The following TMPRSS7 variants were observed in gnomAD, a reference collection of about 807,000 sequenced individuals.
TMPRSS7 encodes transmembrane protease serine 7.
Under a neutral mutation model 95.6 loss-of-function variants are expected in TMPRSS7, and 81 were observed. The observed-to-expected ratio is 0.85, with a 90% CI of 0.71 to 1.02. The LOEUF (loss-of-function observed/expected upper bound fraction) is 1.02. TMPRSS7 is among the 50% of genes least tolerant of loss of function. TMPRSS7 has a pLI of 0.00. For synonymous variants in TMPRSS7, 364 were observed against 337.8 expected (o/e 1.08, Z -0.85); for missense variants, 945 against 955.2 (o/e 0.99, Z 0.14).
intron 9 of TMPRSS7, among the ~76,000 whole-genome samples, chr3:112,051,520 TATCTATC>T (rs2073348909): frequency 1.3e-3 from 2 of 1,596 alleles, no homozygotes; most frequent in East Asian, 0.011. Context: ...ACGAAATATC[TATCTATC>T]TATCTATCTA....
chr3:112,049,761 A>T (rs1212976911), intron 7 of TMPRSS7, 83 bp from the exon 8 acceptor site: 4 of 1,194,858 alleles, frequency 3.3e-6, no homozygotes, highest in Non-Finnish European at 2.3e-6. Context: ...TGGCCCAGGA[A>T]ATGTGTGGAA....
At chr3:112,068,915 A>G (rs1249261665) in intron 13 of TMPRSS7, among the ~76,000 whole-genome samples, 3 of 152,162 alleles carry the variant, frequency 2.0e-5, no homozygotes, top group Admixed American at 1.3e-4. Flanking sequence ...TTCAAAGGGA[A>G]TGCTTCCAAT....
chr3:112,076,762 C>T (rs577002787), intron 15 of TMPRSS7, 114 bp from the exon 16 acceptor site: 1 of 1,251,948 alleles, frequency 8.0e-7, no homozygotes, highest in South Asian at 1.4e-5. Context: ...ACTATAATAA[C>T]ACCCTGGAAG....
intron 13 of TMPRSS7, among the ~76,000 whole-genome samples, chr3:112,071,757 A>C (rs2073649781): frequency 6.6e-6 from 1 of 152,118 alleles, no homozygotes; most frequent in African/African-American, 2.4e-5. Flanking sequence ...AAGCTTGTGC[A>C]TGTGTCACGT....
At chr3:112,047,405 C>A (rs552747631) in intron 6 of TMPRSS7, 1 of 563,602 alleles carries the variant, frequency 1.8e-6, no homozygotes. Flanking sequence ...ATTGCTCTTG[C>A]AGAAGTCCTG....
chr3:112,061,085 A>G (rs1397133647), intron 10 of TMPRSS7, among the ~76,000 whole-genome samples: 15 of 152,122 alleles, frequency 9.9e-5, no homozygotes, highest in Admixed American at 9.2e-4. Flanking sequence ...CTGTGGGAAG[A>G]GCCTCATCTA....
At chr3:112,035,396 A>G (rs755037677) in intron 1 of TMPRSS7, among the ~76,000 whole-genome samples, 2 of 152,222 alleles carry the variant, frequency 1.3e-5, no homozygotes, top group African/African-American at 4.8e-5. Flanking sequence ...TTCACCAGAA[A>G]GGATACAAGC....
rs543041559 is a variant in TMPRSS7 at position 112,068,745 on chromosome 3, A to G, written c.1666+2243A>G. 3.3e-5 allele frequency among the ~76,000 whole-genome samples: 5 copies of G among 152,300 alleles called. No individual in the cohort carries two copies. In the South Asian group the frequency reaches 8.3e-4, roughly 25 times the overall value. On this transcript the variant is annotated intron_variant, in intron 13 of 17. Coordinates refer to ENST00000452346, the Ensembl canonical transcript of TMPRSS7. ...GGGCTGAGATGATGGGGTTTTCTAAATATACAATCATGTCATCTGCAAATA... is the reference window on the plus strand; with the variant it reads ...GGGCTGAGATGATGGGGTTTTCTAAGTATACAATCATGTCATCTGCAAATA...
rs199954934 is a variant in TMPRSS7 at position 112,066,785 on chromosome 3, T to TC, written c.1666+284dup. 8.1e-3 allele frequency among the ~76,000 whole-genome samples: 1,234 copies of TC among 152,064 alleles called. 18 individuals are homozygous for TC. Among genetic ancestry groups the TC allele is most frequent in the African/African-American group, 0.028 (1,173 of 41,378 alleles). On this transcript the variant is annotated intron_variant, in intron 13 of 17. Transcript: ENST00000452346. ...TACTGGCAGATTCTCCTTTTTTTTTTCAATTTTTAAAAATTTTATTTTAGT... is the reference window on the plus strand; with the variant it reads ...TACTGGCAGATTCTCCTTTTTTTTTTCCAATTTTTAAAAATTTTATTTTAGT...
intron 1 of TMPRSS7, among the ~76,000 whole-genome samples, chr3:112,035,224 G>C (rs550100827): frequency 5.9e-5 from 9 of 152,172 alleles, no homozygotes; most frequent in Non-Finnish European, 1.0e-4. Context: ...AGTTCAACAT[G>C]TACTGGCATT....
In TMPRSS7 at chr3:112,050,116, C is replaced by T. The variant is rs906202341; in HGVS notation, c.1090+142C>T. The T allele has an allele frequency of 2.3e-5, 17 of 738,212 alleles. No homozygotes were observed. The African/African-American group carries it at 2.3e-4, about 10-fold the overall frequency. 45.7% of individuals were successfully genotyped at this position (738,212 alleles called of 1,614,324 possible). A position where few individuals can be genotyped will look rare whatever the true frequency, so the allele number is the denominator to read the frequency against. On this transcript the variant is annotated intron_variant, in intron 8 of 17. Coordinates refer to ENST00000452346, the Ensembl canonical transcript of TMPRSS7. ...TAAAGGTCCAGTCAGAAGAGAGAGA[C>T]CATATTAGTTATTTAGACAGAATGA...
intron 16 of TMPRSS7, among the ~76,000 whole-genome samples, chr3:112,078,026 A>G (rs76703900): frequency 0.036 from 5,539 of 152,230 alleles, 297 homozygotes; most frequent in African/African-American, 0.11. Flanking sequence ...AGTGTGGGCA[A>G]CTTCTCAAAG....
exon 17 of TMPRSS7, chr3:112,078,780 G>C: frequency 6.2e-7 from 1 of 1,614,202 alleles, no homozygotes; most frequent in Non-Finnish European, 8.5e-7. Flanking sequence ...AGCGGAGGTA[G>C]AGCTCATTGA....
chr3:112,045,012 T>C (rs922695344), intron 4 of TMPRSS7, among the ~76,000 whole-genome samples: 3 of 152,198 alleles, frequency 2.0e-5, no homozygotes, highest in Non-Finnish European at 2.9e-5. Context: ...CTATGTGACT[T>C]GGAGTTGTAT....
Position 112,061,994 on chromosome 3 carries a change from C to T in TMPRSS7, c.1447+71C>T, listed in dbSNP as rs1441274125. ...AGGATAACATTTTATAATTCCAAAC[C>T]GTGAGAATTTAAGAAATGAATACTG... On this transcript the variant is annotated intron_variant, in intron 11 of 17. Coordinates refer to ENST00000452346, the Ensembl canonical transcript of TMPRSS7. The T allele has an allele frequency of 3.9e-5, 50 of 1,266,228 alleles. 1 individual carries two copies. The highest frequency in any genetic ancestry group is 1.7e-4 in the East Asian group (6 of 35,792). 78.4% of individuals were successfully genotyped at this position (1,266,228 alleles called of 1,614,324 possible).
At chr3:112,070,358 A>G (rs2073629049) in intron 13 of TMPRSS7, among the ~76,000 whole-genome samples, 2 of 152,164 alleles carry the variant, frequency 1.3e-5, no homozygotes, top group Non-Finnish European at 2.9e-5. Flanking sequence ...CTTGGTGCAG[A>G]GCTGAGTTCA....
chr3:112,050,851 C>A, intron 9 of TMPRSS7, 68 bp downstream of exon 9: 3 of 765,700 alleles, frequency 3.9e-6, no homozygotes, highest in South Asian at 2.2e-5. Context: ...GAATTTCATT[C>A]ATTTTTTAAT....
chr3:112,053,186 A>AC (rs1286068043), intron 9 of TMPRSS7, among the ~76,000 whole-genome samples: 3 of 151,480 alleles, frequency 2.0e-5, no homozygotes. Context: ...GAATTTATTA[A>AC]AAAAAAAAAC....
At chr3:112,065,989 G>C (rs1292327333) in intron 12 of TMPRSS7, among the ~76,000 whole-genome samples, 1 of 152,084 alleles carries the variant, frequency 6.6e-6, no homozygotes, top group Non-Finnish European at 1.5e-5. Flanking sequence ...TATTTGTTCG[G>C]GGGCTTGAGG....
Sources: gnomAD v4.1 joint callset for allele counts (sites outside exome capture counted in the v4.1 genomes callset) on GRCh38, gnomAD v4.1.1 for gene constraint, MANE v1.5 for transcripts, NCBI Gene and HGNC (gene_info 2026-07-23, HGNC 2026-07-21) for gene names.